Variants in RPTOR observed in about 807,000 individuals in gnomAD.
The protein encoded by RPTOR is regulatory-associated protein of mTOR.
Under a neutral mutation model 169.9 loss-of-function variants are expected in RPTOR, and 21 were observed. The ratio of observed to expected loss-of-function variants is 0.12; its 90% CI spans 0.09 to 0.18. The LOEUF (loss-of-function observed/expected upper bound fraction) is 0.18, where lower values mean the gene tolerates loss of function less well. RPTOR is among the 10% of genes least tolerant of loss of function. RPTOR has a pLI of 1.00. For synonymous variants in RPTOR, 732 were observed against 753.2 expected (o/e 0.97, Z 0.46); for missense variants, 1,133 against 1,855.9 (o/e 0.61, Z 7.16).
intron 1 of RPTOR, among the ~76,000 whole-genome samples, chr17:80,549,980 G>A (rs532942051): frequency 9.2e-5 from 14 of 152,348 alleles, no homozygotes; most frequent in African/African-American, 3.1e-4. Context: ...TCTAGACTCA[G>A]TTGCATTGCT....
rs374988263 is a variant in RPTOR, at chr17:80,912,718, G to A, written c.2520+3789G>A. ...ACGGCCCGCCCCCCTCTCCCACCAC[G>A]GTAAGGCAGTTAAGCACCTGCGTCT... On this transcript the variant is annotated intron_variant, in intron 21 of 33. Transcript: ENST00000306801. 1.3e-4 allele frequency among the ~76,000 whole-genome samples: 20 copies of A among 152,224 alleles called. No individual in the cohort carries two copies. The East Asian group carries it at 3.1e-3, about 23-fold the overall frequency.
At chr17:80,821,987 C>T (rs985008974) in intron 7 of RPTOR, among the ~76,000 whole-genome samples, 2 of 152,112 alleles carry the variant, frequency 1.3e-5, no homozygotes, top group African/African-American at 4.8e-5. Context: ...TGGAGATGTG[C>T]GGGAAGGAGG....
At chr17:80,634,175 G>GTGTGTGCGCATAC (rs1215799397) in intron 2 of RPTOR, among the ~76,000 whole-genome samples, 2 of 150,738 alleles carry the variant, frequency 1.3e-5, no homozygotes, top group African/African-American at 4.9e-5. Context: ...TGCATACTGT[G>GTGTGTGCGCATAC]TGTGTGCGCA....
In RPTOR at chr17:80,726,853, G is replaced by C. The variant is rs889573838; in HGVS notation, c.508-3707G>C. 6.6e-6 allele frequency among the ~76,000 whole-genome samples: 1 copy of C among 152,168 alleles called. No individual in the cohort carries two copies. Among genetic ancestry groups the C allele is most frequent in the South Asian group, 2.1e-4 (1 of 4,820 alleles). The stretch of plus-strand genomic sequence containing the variant: ...CCAAAATCCTTTCTCCTGTCAGCGT[G>C]GGGGGTGATCCTGCCCAATTAAAGG... On this transcript the variant is annotated intron_variant, in intron 4 of 33. Transcript: ENST00000306801. This position sits in a 1 kb window ranked among gnomAD's most constrained non-coding sequence, Gnocchi z 4.5.
At chr17:80,561,263 G>GTGTATATATATATA (rs1297941814) in intron 1 of RPTOR, among the ~76,000 whole-genome samples, 2,670 of 19,174 alleles carry the variant, frequency 0.14, 105 homozygotes, top group African/African-American at 0.24. Flanking sequence ...ATATATATAT[G>GTGTATATATATATA]TATATATATA....
intron 7 of RPTOR, among the ~76,000 whole-genome samples, chr17:80,808,453 A>G (rs1323099298): frequency 6.6e-6 from 1 of 152,216 alleles, no homozygotes; most frequent in Non-Finnish European, 1.5e-5. Context: ...AGTACCCTTT[A>G]GTACAGATCT....
chr17:80,930,880 A>G (rs9899051), intron 24 of RPTOR, among the ~76,000 whole-genome samples: 84,490 of 152,102 alleles, frequency 0.56, 23,903 homozygotes, highest in African/African-American at 0.64. Flanking sequence ...CTTTCTCCAC[A>G]CTTGGCTGTA....
Position 80,960,933 on chromosome 17 carries a change from G to A in RPTOR, c.3606-461G>A, listed in dbSNP as rs2069330620. On this transcript the variant is annotated intron_variant, in intron 30 of 33. Coordinates refer to ENST00000306801, the MANE Select transcript of RPTOR (RefSeq NM_020761.3). The surrounding 1 kb of genome is among the most constrained non-coding windows in gnomAD (Gnocchi z 4.8). ...AGAAGTAAATTTCACCCAGCACAGAGCGAGGATTCCCAGAAGGTCCTTGTG... is the reference window on the plus strand; with the variant it reads ...AGAAGTAAATTTCACCCAGCACAGAACGAGGATTCCCAGAAGGTCCTTGTG... 1 of 174,874 alleles carries A rather than the reference G, an allele frequency of 5.7e-6. No homozygotes were observed. Among genetic ancestry groups the A allele is most frequent in the Non-Finnish European group, 1.2e-5 (1 of 81,680 alleles). The allele number at this position is 174,874 out of a possible 1,614,324, so 10.8% of individuals were successfully genotyped here. A position where few individuals can be genotyped will look rare whatever the true frequency, so the allele number is the denominator to read the frequency against.
chr17:80,923,662 G>A lies in RPTOR; in HGVS notation c.2797G>A (p.Gly933Ser). ...FPRTRKMFDK[G>S]PEQTADDADD... ...CCGGACACGGAAGATGTTCGACAAG[G>A]GCCCAGAGCAGGTACGGGAGCCCGG... The change falls in exon 23 of 34, where the codon GGC becomes AGC. Residue 933 changes from glycine to serine, a missense_variant. By Grantham distance (56) the Gly-to-Ser change is moderately conservative (BLOSUM62 0). Coordinates refer to ENST00000306801, the MANE Select transcript of RPTOR (RefSeq NM_020761.3). The A allele has an allele frequency of 6.2e-7, 1 of 1,600,694 alleles. No homozygotes were observed. The highest frequency in any genetic ancestry group is 8.5e-7 in the Non-Finnish European group (1 of 1,170,962).
At chr17:80,706,337 C>A (rs2066141795) in intron 3 of RPTOR, among the ~76,000 whole-genome samples, 1 of 152,156 alleles carries the variant, frequency 6.6e-6, no homozygotes, top group South Asian at 2.1e-4. Flanking sequence ...ATGAAAAGTA[C>A]TTTGCAGGAA....
intron 31 of RPTOR, among the ~76,000 whole-genome samples, chr17:80,961,902 G>A (rs894494050): frequency 2.0e-5 from 3 of 152,236 alleles, no homozygotes; most frequent in Non-Finnish European, 2.9e-5. Context: ...ATTAAAGGAA[G>A]AGCAAGATGT....
chr17:80,770,381 G>A (rs1343177247), intron 6 of RPTOR, among the ~76,000 whole-genome samples: 2 of 152,186 alleles, frequency 1.3e-5, no homozygotes, highest in African/African-American at 4.8e-5. Context: ...GGAAATGAAA[G>A]CCTGTTTGAG....
intron 7 of RPTOR, among the ~76,000 whole-genome samples, chr17:80,811,830 G>A (rs1046764429): frequency 8.3e-6 from 1 of 120,220 alleles, no homozygotes; most frequent in African/African-American, 3.3e-5. Context: ...CACAGCCACA[G>A]CCTCTCCAAC....
chr17:80,848,677 A>G (rs954548181), intron 11 of RPTOR, among the ~76,000 whole-genome samples: 1 of 152,260 alleles, frequency 6.6e-6, no homozygotes, highest in African/African-American at 2.4e-5. Flanking sequence ...CTCAGGAGAC[A>G]CTGGCTCTCT....
At chr17:80,910,499 T>C (rs1322413161) in intron 21 of RPTOR, among the ~76,000 whole-genome samples, 1 of 152,212 alleles carries the variant, frequency 6.6e-6, no homozygotes, top group Admixed American at 6.5e-5. Flanking sequence ...GGCCACACTC[T>C]TGCAGCCTCT....
At chr17:80,775,848 A>C (rs2066887291) in intron 6 of RPTOR, among the ~76,000 whole-genome samples, 1 of 152,250 alleles carries the variant, frequency 6.6e-6, no homozygotes, top group African/African-American at 2.4e-5. Flanking sequence ...ATATATGCAC[A>C]TAATTTTACT....
At chr17:80,900,912 C>A (rs1393891459) in intron 20 of RPTOR, among the ~76,000 whole-genome samples, 2 of 152,238 alleles carry the variant, frequency 1.3e-5, no homozygotes, top group Non-Finnish European at 2.9e-5. Context: ...TCTGCAGGTC[C>A]CCACGCCCAC....
intron 6 of RPTOR, among the ~76,000 whole-genome samples, chr17:80,776,724 A>G (rs1332607045): frequency 6.6e-6 from 1 of 152,212 alleles, no homozygotes; most frequent in African/African-American, 2.4e-5. Flanking sequence ...TCAGAGAGAA[A>G]ATGTTCCTTA....
intron 4 of RPTOR, among the ~76,000 whole-genome samples, chr17:80,712,069 T>G (rs2066198541): frequency 6.6e-6 from 1 of 151,864 alleles, no homozygotes; most frequent in African/African-American, 2.4e-5. Context: ...ATAGACATCA[T>G]TTTTTTTAAG....
Sources: gnomAD v4.1 joint callset for allele counts (sites outside exome capture counted in the v4.1 genomes callset) on GRCh38, gnomAD v4.1.1 for gene constraint, Gnocchi (gnomAD v3.1) non-coding constraint, MANE v1.5 for transcripts, NCBI Gene and HGNC (gene_info 2026-07-23, HGNC 2026-07-21) for gene names.